WDFY3: variants seen among roughly 807,000 people sequenced by gnomAD.
The protein encoded by WDFY3 is WD repeat and FYVE domain-containing protein 3.
A neutral mutation model predicts 409.6 loss-of-function variants in WDFY3; 66 were observed. The observed-to-expected ratio is 0.16, with a 90% CI of 0.13 to 0.20. The LOEUF (loss-of-function observed/expected upper bound fraction) is 0.20, where lower values mean the gene tolerates loss of function less well. WDFY3 is among the 10% of genes least tolerant of loss of function. WDFY3 has a pLI of 1.00. For missense variants in WDFY3, 3,031 were observed against 4,298.1 expected (o/e 0.71, Z 8.24); for synonymous variants, 1,521 against 1,537.1 (o/e 0.99, Z 0.25).
intron 3 of WDFY3, among the ~76,000 whole-genome samples, chr4:84,867,527 G>A (rs961204625): frequency 6.6e-6 from 1 of 151,968 alleles, no homozygotes; most frequent in African/African-American, 2.4e-5. Flanking sequence ...CTGCCAGCAG[G>A]GGCTTATTTA....
chr4:84,674,707 A>C (rs2148707838), intron 67 of WDFY3, among the ~76,000 whole-genome samples: 1 of 151,838 alleles, frequency 6.6e-6, no homozygotes, highest in South Asian at 2.1e-4. Context: ...GTCTCTACTA[A>C]GAATACAAAA....
intron 13 of WDFY3, 120 bp downstream of exon 13, chr4:84,817,272 A>G (rs1578658652): frequency 1.6e-6 from 2 of 1,238,928 alleles, no homozygotes; most frequent in East Asian, 2.3e-5. Flanking sequence ...CAAAGTTGTG[A>G]GGTTTCTTGG....
chr4:84,878,535 T>C (rs890047994), intron 3 of WDFY3, among the ~76,000 whole-genome samples: 4 of 152,210 alleles, frequency 2.6e-5, no homozygotes, highest in African/African-American at 9.6e-5. Context: ...GGAGTTTTAT[T>C]GTTATTTTAC....
intron 2 of WDFY3, among the ~76,000 whole-genome samples, chr4:84,918,977 C>A (rs1025391263): frequency 1.3e-5 from 2 of 151,812 alleles, no homozygotes; most frequent in African/African-American, 4.8e-5. Flanking sequence ...AATACTATTA[C>A]CCAATAAGAA....
At chr4:84,727,871 GGTATAT>G (rs1735921552) in intron 44 of WDFY3, among the ~76,000 whole-genome samples, 3 of 152,002 alleles carry the variant, frequency 2.0e-5, no homozygotes, top group Admixed American at 1.3e-4. Flanking sequence ...AACTTGTAAA[GGTATAT>G]CTTATATTGA....
chr4:84,787,606 G>C lies in WDFY3; in HGVS notation c.3777C>G (p.Ala1259=). 1 of 1,614,166 alleles carries C rather than the reference G, an allele frequency of 6.2e-7. No individual in the cohort carries two copies. Among genetic ancestry groups the C allele is most frequent in the Non-Finnish European group, 8.5e-7 (1 of 1,180,036 alleles). Residue 1259 remains alanine, a synonymous_variant, in exon 23 of 68, where the codon GCC becomes GCG. Transcript: ENST00000295888. ...TGGGTCCCAGGCGCCAAACCAATGA[G>C]GCAATTTGGCGTTGGGCAGGTGGAG... is the stretch of plus-strand genomic sequence containing the variant. ...IGTPPAQRQI[A]SLVWRLGPTH... is the part of the protein sequence containing the mutation.
chr4:84,682,265 C>G, intron 64 of WDFY3, 109 bp downstream of exon 64: 1 of 946,186 alleles, frequency 1.1e-6, no homozygotes, highest in Non-Finnish European at 1.6e-6. Context: ...CTTCTCCAAG[C>G]AGTGCCCAAC....
intron 30 of WDFY3, among the ~76,000 whole-genome samples, chr4:84,767,169 C>A (rs1234419937): frequency 1.3e-5 from 2 of 151,604 alleles, no homozygotes; most frequent in African/African-American, 4.8e-5. Context: ...TTTGGTAATT[C>A]TTACAGTGTT....
chr4:84,871,440 G>C (rs2150315455), intron 3 of WDFY3, among the ~76,000 whole-genome samples: 1 of 152,116 alleles, frequency 6.6e-6, no homozygotes, highest in East Asian at 1.9e-4. Context: ...CAAAAATGAA[G>C]AAAGAATAAA....
chr4:84,899,920 G>A (rs757693292), intron 2 of WDFY3, among the ~76,000 whole-genome samples: 1 of 152,106 alleles, frequency 6.6e-6, no homozygotes. Flanking sequence ...ATGTGGTGGC[G>A]TGCTTGTAGT....
Position 84,836,915 on chromosome 4 carries a change from A to G in WDFY3, c.576+14T>C. ...TTAAATAGGGTGGAGGTAGGCAAATAGCACCTTTCATACCTGTACAAAAAC... is the reference window on the plus strand; with the variant it reads ...TTAAATAGGGTGGAGGTAGGCAAATGGCACCTTTCATACCTGTACAAAAAC... On this transcript the variant is annotated intron_variant, in intron 7 of 67. Transcript: ENST00000295888. The G allele has an allele frequency of 6.7e-7, 1 of 1,498,546 alleles. No individual in the cohort carries two copies. Among genetic ancestry groups the G allele is most frequent in the Non-Finnish European group, 9.0e-7 (1 of 1,115,610 alleles). 92.8% of individuals were successfully genotyped at this position (1,498,546 alleles called of 1,614,324 possible). A position where few individuals can be genotyped will look rare whatever the true frequency, so the allele number is the denominator to read the frequency against.
intron 54 of WDFY3, among the ~76,000 whole-genome samples, chr4:84,705,085 C>T (rs1731706629): frequency 6.6e-6 from 1 of 151,974 alleles, no homozygotes; most frequent in African/African-American, 2.4e-5. Context: ...AGTATGGTTC[C>T]TGGACTAAAC....
intron 1 of WDFY3, among the ~76,000 whole-genome samples, chr4:84,937,371 C>G (rs1179691733): frequency 6.6e-6 from 1 of 152,112 alleles, no homozygotes; most frequent in Admixed American, 6.6e-5. Flanking sequence ...CTAGTTCCTC[C>G]TCTTCTCCCT....
intron 1 of WDFY3, among the ~76,000 whole-genome samples, chr4:84,964,777 C>T (rs1002011447): frequency 2.0e-5 from 3 of 152,146 alleles, no homozygotes; most frequent in Non-Finnish European, 2.9e-5. Context: ...CAGCCTTGGC[C>T]TCCCAAAGTG....
intron 4 of WDFY3, among the ~76,000 whole-genome samples, chr4:84,860,126 C>T (rs910138493): frequency 2.0e-5 from 3 of 152,094 alleles, no homozygotes; most frequent in Non-Finnish European, 2.9e-5. Flanking sequence ...ACAATCTATT[C>T]CTCTTCCAAA....
chr4:84,878,722 TCA>T (rs1763103014), intron 3 of WDFY3, among the ~76,000 whole-genome samples: 1 of 152,200 alleles, frequency 6.6e-6, no homozygotes, highest in Admixed American at 6.5e-5. Context: ...ATCCGTATCA[TCA>T]TACATCACGT....
chr4:84,802,560 G>A (rs992795190), intron 16 of WDFY3, among the ~76,000 whole-genome samples: 1 of 151,958 alleles, frequency 6.6e-6, no homozygotes. Flanking sequence ...GAGCCACCGC[G>A]CCTGGCCAGA....
chr4:84,688,854 G>C (rs1728773663), intron 61 of WDFY3, among the ~76,000 whole-genome samples: 1 of 152,170 alleles, frequency 6.6e-6, no homozygotes, highest in Non-Finnish European at 1.5e-5. Flanking sequence ...ATCTGTGCCT[G>C]AGAGGAATTC....
At chr4:84,860,107 T>C (rs1578855676) in intron 4 of WDFY3, among the ~76,000 whole-genome samples, 1 of 152,156 alleles carries the variant, frequency 6.6e-6, no homozygotes, top group Non-Finnish European at 1.5e-5. Context: ...ATAACACAAT[T>C]GATAATTTAC....
Sources: allele counts gnomAD v4.1 joint callset (sites outside exome capture counted in the v4.1 genomes callset), GRCh38; gene constraint gnomAD v4.1.1; transcripts MANE v1.5; gene names NCBI Gene and HGNC (gene_info 2026-07-23, HGNC 2026-07-21).